The following NUP205 variants were observed in gnomAD, a reference collection of about 807,000 sequenced individuals.
NUP205 encodes the protein nuclear pore complex protein Nup205.
NUP205 carries 76 observed loss-of-function variants against 253.8 expected under a neutral mutation model. The ratio of observed to expected loss-of-function variants is 0.30; its 90% CI spans 0.25 to 0.36. The LOEUF is 0.36. NUP205 is among the 10% of genes least tolerant of loss of function. The pLI, the probability that NUP205 is intolerant of heterozygous loss-of-function variation, is 1.00. For synonymous variants in NUP205, 832 were observed against 850.1 expected, an observed-to-expected ratio of 0.98 and a Z score of 0.37; for missense variants, 2,162 against 2,425.5, an observed-to-expected ratio of 0.89 and a Z score of 2.28.
chr7:135,577,773 G>A lies in NUP205; in HGVS notation c.649-23G>A, dbSNP rs1450316189. 5 of 1,544,126 alleles carry A rather than the reference G, an allele frequency of 3.2e-6. No homozygotes were observed. The South Asian group carries it at 4.5e-5, about 14-fold the overall frequency. On this transcript the variant is annotated intron_variant, in intron 5 of 42. Coordinates refer to ENST00000285968, the MANE Select transcript of NUP205 (RefSeq NM_015135.3). ...GGCTTCACTGTAATTTATTTATACTGATAGTCATGTTTTTATTTCTAGGTT... is the reference window on the plus strand; with the variant it reads ...GGCTTCACTGTAATTTATTTATACTAATAGTCATGTTTTTATTTCTAGGTT...
intron 30 of NUP205, among the ~76,000 whole-genome samples, chr7:135,622,421 CAA>C (rs533849974): frequency 1.3e-5 from 1 of 75,832 alleles, no homozygotes; most frequent in Admixed American, 1.5e-4. Flanking sequence ...GGCTCTGTCT[CAA>C]AAAAAAAAAG....
chr7:135,598,259 T>C lies in NUP205; in HGVS notation c.2274+52T>C, dbSNP rs558474745. The C allele has an allele frequency of 3.0e-5, 44 of 1,485,874 alleles. No individual in the cohort carries two copies. In the African/African-American group the frequency reaches 5.6e-4, roughly 19 times the overall value. The allele number at this position is 1,485,874 out of a possible 1,614,324, so 92.0% of individuals were successfully genotyped here. On this transcript the variant is annotated intron_variant, in intron 15 of 42. Coordinates refer to ENST00000285968, the MANE Select transcript of NUP205 (RefSeq NM_015135.3). ...TCCTTATGCATTTACTGCTTTTTCT[T>C]TTATCAAAAGTATATGGTGCTAAAT...
chr7:135,606,148 A>G lies in NUP205; in HGVS notation c.2827A>G (p.Ile943Val), dbSNP rs1215998608. The change falls in exon 20 of 43, where the codon ATA becomes GTA. Residue 943 changes from isoleucine to valine, a missense_variant. By Grantham distance (29) the Ile-to-Val change is conservative (BLOSUM62 3). Transcript: ENST00000285968. ...LVGDFTHDQS[I>V]SQKLMAGFVE... ...TTTTACCTTCATGTTACTTCAGAGTATAAGTCAGAAACTAATGGCTGGATT... is the reference window on the plus strand; with the variant it reads ...TTTTACCTTCATGTTACTTCAGAGTGTAAGTCAGAAACTAATGGCTGGATT... 1 of 1,607,360 alleles carries G rather than the reference A, an allele frequency of 6.2e-7. No homozygotes were observed. The highest frequency in any genetic ancestry group is 8.5e-7 in the Non-Finnish European group (1 of 1,174,174).
chr7:135,602,661 G>GT (rs1298324222), intron 17 of NUP205, 144 bp from the exon 18 acceptor site: 15 of 655,358 alleles, frequency 2.3e-5, no homozygotes, highest in South Asian at 6.1e-5. Context: ...AAATCTCTAG[G>GT]TTTTGCTGCT....
At chr7:135,612,495 G>A (rs1794264809) in intron 22 of NUP205, among the ~76,000 whole-genome samples, 2 of 152,208 alleles carry the variant, frequency 1.3e-5, no homozygotes, top group Non-Finnish European at 2.9e-5. Context: ...CAGCATTTCA[G>A]CACTATGCTT....
At chr7:135,584,663 C>T (rs1806407165) in intron 7 of NUP205, among the ~76,000 whole-genome samples, 169 bp from the exon 8 acceptor site, 1 of 152,072 alleles carries the variant, frequency 6.6e-6, no homozygotes, top group Non-Finnish European at 1.5e-5. Flanking sequence ...TTTGTGAGTT[C>T]TTTAGGGTTT....
intron 7 of NUP205, among the ~76,000 whole-genome samples, chr7:135,581,062 T>G (rs1185372642): frequency 6.6e-6 from 1 of 152,166 alleles, no homozygotes; most frequent in Non-Finnish European, 1.5e-5. Flanking sequence ...ACTATAAAAA[T>G]TTTTCTGTTA....
chr7:135,614,032 C>T, intron 22 of NUP205, 127 bp from the exon 23 acceptor site: 1 of 542,726 alleles, frequency 1.8e-6, no homozygotes, highest in Non-Finnish European at 3.3e-6. Context: ...ATCTGTTTGT[C>T]CATTTTACTT....
intron 3 of NUP205, among the ~76,000 whole-genome samples, chr7:135,575,405 G>C (rs1251367591): frequency 1.3e-5 from 2 of 152,084 alleles, no homozygotes; most frequent in African/African-American, 2.4e-5. Context: ...ATGAATTTGG[G>C]GAACAGAAAG....
chr7:135,630,400 G>A lies in NUP205; in HGVS notation c.4989G>A (p.Gln1663=), dbSNP rs1383885525. Residue 1663 remains glutamine (Q), a synonymous_variant, in exon 35 of 43, where the codon CAG becomes CAA. Coordinates refer to ENST00000285968, the MANE Select transcript of NUP205 (RefSeq NM_015135.3). ...CCATACAAGCAATTCTGCGCTGTCA[G>A]GATGTTAGTGCTGGGTCTTTGCAGG... ...SDTIQAILRC[Q]DVSAGSLQEL... 5.0e-6 allele frequency: 8 copies of A among 1,610,686 alleles called. No individual in the cohort carries two copies. Among genetic ancestry groups the A allele is most frequent in the East Asian group, 4.5e-5 (2 of 44,758 alleles).
At chr7:135,593,358 G>A (rs1457447657) in intron 12 of NUP205, among the ~76,000 whole-genome samples, 166 bp downstream of exon 12, 1 of 152,026 alleles carries the variant, frequency 6.6e-6, no homozygotes, top group Non-Finnish European at 1.5e-5. Flanking sequence ...CCTCTACAGG[G>A]TGTAAGTTAT....
chr7:135,601,632 G>A lies in NUP205; in HGVS notation c.2512+125G>A. ...ACTGTAAGATTCTCTCTCTGTATCT[G>A]AAGTGGTGTTTTCAGTGAATCATTT... On this transcript the variant is annotated intron_variant, in intron 17 of 42. Coordinates refer to ENST00000285968, the MANE Select transcript of NUP205 (RefSeq NM_015135.3). 3.8e-6 allele frequency: 4 copies of A among 1,041,818 alleles called. No individual in the cohort carries two copies. In the South Asian group the frequency reaches 6.6e-5, roughly 17 times the overall value. 64.5% of individuals were successfully genotyped at this position (1,041,818 alleles called of 1,614,324 possible). A position where few individuals can be genotyped will look rare whatever the true frequency, so the allele number is the denominator to read the frequency against.
intron 22 of NUP205, among the ~76,000 whole-genome samples, chr7:135,609,308 C>T (rs779171204): frequency 6.6e-6 from 1 of 151,842 alleles, no homozygotes; most frequent in Non-Finnish European, 1.5e-5. Context: ...GAAACCCCAT[C>T]TCTACTAAAA....
intron 1 of NUP205, among the ~76,000 whole-genome samples, chr7:135,569,852 T>C (rs559594578): frequency 6.6e-6 from 1 of 152,136 alleles, no homozygotes; most frequent in South Asian, 2.1e-4. Flanking sequence ...CTAAGTTTTA[T>C]AAATTCTGAG....
At chr7:135,610,324 G>A (rs1794196309) in intron 22 of NUP205, among the ~76,000 whole-genome samples, 1 of 152,106 alleles carries the variant, frequency 6.6e-6, no homozygotes, top group South Asian at 2.1e-4. Flanking sequence ...GGGTTCAAGC[G>A]ATTCTCCTGC....
chr7:135,600,121 TG>T (rs1793932748), intron 15 of NUP205, among the ~76,000 whole-genome samples: 1 of 152,232 alleles, frequency 6.6e-6, no homozygotes, highest in South Asian at 2.1e-4. Context: ...CTGTCTGCAA[TG>T]ACCAAACCCA....
At chr7:135,570,000 A>G (rs1359931714) in intron 1 of NUP205, among the ~76,000 whole-genome samples, 2 of 149,214 alleles carry the variant, frequency 1.3e-5, no homozygotes, top group East Asian at 2.0e-4. Context: ...AAAAACTTAC[A>G]GCTCTTTGAA....
intron 18 of NUP205, 62 bp from the exon 19 acceptor site, chr7:135,604,278 T>G: frequency 1.4e-6 from 2 of 1,467,422 alleles, no homozygotes; most frequent in Non-Finnish European, 1.8e-6. Context: ...TTTTCTTTAT[T>G]GAGAATAGTG....
chr7:135,600,099 C>T (rs1164261551), intron 15 of NUP205, among the ~76,000 whole-genome samples: 2 of 152,108 alleles, frequency 1.3e-5, no homozygotes, highest in Non-Finnish European at 2.9e-5. Context: ...AATAGTAATT[C>T]ATAAAACCAC....
Sources: allele counts gnomAD v4.1 joint callset (sites outside exome capture counted in the v4.1 genomes callset), GRCh38; gene constraint gnomAD v4.1.1; transcripts MANE v1.5; gene names NCBI Gene and HGNC (gene_info 2026-07-23, HGNC 2026-07-21).